Variants in SEMA3E observed in about 807,000 individuals in gnomAD.
SEMA3E encodes semaphorin-3E.
Under a neutral mutation model 93.6 loss-of-function variants are expected in SEMA3E, and 49 were observed. The ratio of observed to expected loss-of-function variants is 0.52; its 90% CI spans 0.42 to 0.66. The LOEUF (loss-of-function observed/expected upper bound fraction) is 0.66. Among genes scored for constraint, SEMA3E ranks in the 30% least tolerant of loss-of-function variants. The pLI is 0.00. For synonymous variants in SEMA3E, 363 were observed against 330.7 expected (o/e 1.10, Z -1.06); for missense variants, 906 against 964.8 (o/e 0.94, Z 0.81).
intron 1 of SEMA3E, among the ~76,000 whole-genome samples, chr7:83,618,407 A>C (rs528032076): frequency 6.6e-6 from 1 of 152,110 alleles, no homozygotes; most frequent in African/African-American, 2.4e-5. Context: ...TTTTTATTTT[A>C]GTACTTCATT....
chr7:83,588,694 T>A (rs1346034250), intron 1 of SEMA3E, among the ~76,000 whole-genome samples: 2 of 152,176 alleles, frequency 1.3e-5, no homozygotes, highest in Non-Finnish European at 2.9e-5. Flanking sequence ...TTAAAATGAT[T>A]TAATTTTGAT....
chr7:83,510,473 A>G (rs1351299762), intron 1 of SEMA3E, among the ~76,000 whole-genome samples: 1 of 152,174 alleles, frequency 6.6e-6, no homozygotes, highest in Non-Finnish European at 1.5e-5. Context: ...GAGTAATACA[A>G]TATTGCATAT....
At chr7:83,564,103 C>T (rs545717018) in intron 1 of SEMA3E, among the ~76,000 whole-genome samples, 1 of 152,100 alleles carries the variant, frequency 6.6e-6, no homozygotes, top group Non-Finnish European at 1.5e-5. Flanking sequence ...ATATTGTATC[C>T]AAATGGGCAG....
chr7:83,421,595 G>A (rs1464398292), intron 4 of SEMA3E, among the ~76,000 whole-genome samples: 1 of 142,198 alleles, frequency 7.0e-6, no homozygotes, highest in Non-Finnish European at 1.6e-5. Flanking sequence ...TGGCAACTAT[G>A]TACAACCCTG....
intron 1 of SEMA3E, among the ~76,000 whole-genome samples, chr7:83,498,174 T>C (rs1790526388): frequency 6.6e-6 from 1 of 152,116 alleles, no homozygotes; most frequent in African/African-American, 2.4e-5. Flanking sequence ...TACTCAACTG[T>C]TTATGTTATC....
intron 9 of SEMA3E, among the ~76,000 whole-genome samples, chr7:83,403,862 T>C (rs1204327027): frequency 6.6e-6 from 1 of 151,952 alleles, no homozygotes; most frequent in Non-Finnish European, 1.5e-5. Context: ...TCTACAAATA[T>C]CAATCCTTAT....
In SEMA3E at chr7:83,426,980, TAA is replaced by T. The variant is rs545631844; in HGVS notation, c.457-8499_457-8498del. ...TGGACTCTTGCTAGGATTAATATAT[TAA>T]AGTTTCTGTTTAACATAACATAGTG... On this transcript the variant is annotated intron_variant, in intron 4 of 16. Coordinates refer to ENST00000643230, the MANE Select transcript of SEMA3E (RefSeq NM_012431.3). Among the ~76,000 whole-genome samples the T allele has an allele frequency of 1.6e-3, 239 of 152,190 alleles. 1 individual carries two copies. Among genetic ancestry groups the T allele is most frequent in the African/African-American group, 4.3e-3 (179 of 41,554 alleles).
intron 4 of SEMA3E, among the ~76,000 whole-genome samples, chr7:83,435,192 T>G (rs2115761345): frequency 6.6e-6 from 1 of 152,362 alleles, no homozygotes; most frequent in Middle Eastern, 3.4e-3. Context: ...GTGACTCAGT[T>G]AATACATGAT....
chr7:83,462,473 C>T (rs970408492), intron 4 of SEMA3E, among the ~76,000 whole-genome samples: 1 of 152,080 alleles, frequency 6.6e-6, no homozygotes, highest in African/African-American at 2.4e-5. Flanking sequence ...TCCTGGGCTA[C>T]AGCCACACCT....
chr7:83,394,256 T>C, intron 13 of SEMA3E, 41 bp downstream of exon 13: 3 of 1,502,700 alleles, frequency 2.0e-6, no homozygotes, highest in Non-Finnish European at 2.7e-6. Flanking sequence ...AGCTCACATA[T>C]AGAACACACA....
chr7:83,410,632 A>G (rs1182314557), intron 5 of SEMA3E, among the ~76,000 whole-genome samples: 1 of 152,118 alleles, frequency 6.6e-6, no homozygotes, highest in East Asian at 1.9e-4. Flanking sequence ...GACCAAATGC[A>G]TAAATGCATT....
At chr7:83,529,682 C>A (rs1285010466) in intron 1 of SEMA3E, among the ~76,000 whole-genome samples, 1 of 152,108 alleles carries the variant, frequency 6.6e-6, no homozygotes, top group Non-Finnish European at 1.5e-5. Flanking sequence ...GTGATAGAGA[C>A]CCTAACCAAG....
At chr7:83,622,813 C>T (rs758713431) in intron 1 of SEMA3E, among the ~76,000 whole-genome samples, 3 of 152,220 alleles carry the variant, frequency 2.0e-5, no homozygotes, top group Middle Eastern at 6.8e-3. Context: ...TAAAACAACA[C>T]ACACTGGGGC....
intron 1 of SEMA3E, among the ~76,000 whole-genome samples, chr7:83,560,316 G>T (rs1158928289): frequency 1.3e-5 from 2 of 152,056 alleles, no homozygotes; most frequent in African/African-American, 4.8e-5. Context: ...CGCATGTGTA[G>T]GGGCGGGGAG....
intron 1 of SEMA3E, among the ~76,000 whole-genome samples, chr7:83,528,238 T>G (rs1791204876): frequency 6.6e-6 from 1 of 152,094 alleles, no homozygotes; most frequent in African/African-American, 2.4e-5. Flanking sequence ...CATTTCTAAC[T>G]TGGGAAACTC....
intron 2 of SEMA3E, among the ~76,000 whole-genome samples, chr7:83,471,603 T>C (rs1274330245): frequency 6.6e-6 from 1 of 152,164 alleles, no homozygotes; most frequent in Non-Finnish European, 1.5e-5. Flanking sequence ...AACACTTAAA[T>C]ACTGTGATCT....
intron 1 of SEMA3E, among the ~76,000 whole-genome samples, chr7:83,635,563 C>A (rs1375934322): frequency 1.2e-4 from 17 of 146,996 alleles, no homozygotes; most frequent in African/African-American, 5.0e-5. Context: ...AGTATAGTAC[C>A]AAAAAAAAAC....
chr7:83,397,964 T>C (rs1256011624), intron 11 of SEMA3E, among the ~76,000 whole-genome samples: 2 of 152,174 alleles, frequency 1.3e-5, no homozygotes, highest in Non-Finnish European at 2.9e-5. Context: ...AAAGCAAAGA[T>C]AAGACTCAAA....
intron 2 of SEMA3E, among the ~76,000 whole-genome samples, chr7:83,470,862 C>A (rs202230180): frequency 0.26 from 36,120 of 140,008 alleles, 4,742 homozygotes; most frequent in Middle Eastern, 0.41. Flanking sequence ...CCCACATTTT[C>A]TTTTTTTTTT....
Sources: allele counts gnomAD v4.1 joint callset (sites outside exome capture counted in the v4.1 genomes callset), GRCh38; gene constraint gnomAD v4.1.1; transcripts MANE v1.5; gene names NCBI Gene and HGNC (gene_info 2026-07-23, HGNC 2026-07-21).